TCF7L2: variants seen among roughly 807,000 people sequenced by gnomAD.
The protein encoded by TCF7L2 is transcription factor 7 like 2.
TCF7L2 carries 23 observed loss-of-function variants against 77.9 expected under a neutral mutation model. The ratio of observed to expected loss-of-function variants is 0.30; its 90% CI spans 0.21 to 0.42. The LOEUF (loss-of-function observed/expected upper bound fraction) is 0.42, where lower values mean the gene tolerates loss of function less well. TCF7L2 is among the 10% of genes least tolerant of loss of function. TCF7L2 has a pLI of 1.00. For missense variants in TCF7L2, 654 were observed against 793.1 expected (o/e 0.82, Z 2.11); for synonymous variants, 413 against 340.2 (o/e 1.21, Z -2.36).
chr10:113,047,200 A>G (rs1465045761), intron 5 of TCF7L2, among the ~76,000 whole-genome samples: 3 of 152,298 alleles, frequency 2.0e-5, no homozygotes, highest in Non-Finnish European at 4.4e-5. Context: ...ACCCCAGGAC[A>G]AAAGGTAGAA....
intron 5 of TCF7L2, among the ~76,000 whole-genome samples, chr10:113,094,005 C>T (rs570315173): frequency 4.6e-5 from 7 of 152,262 alleles, no homozygotes; most frequent in African/African-American, 1.7e-4. Flanking sequence ...CGAGATGGTG[C>T]ACTCTGTCCT....
intron 5 of TCF7L2, among the ~76,000 whole-genome samples, chr10:113,130,467 G>C (rs899836816): frequency 1.8e-4 from 27 of 152,184 alleles, no homozygotes; most frequent in Admixed American, 1.5e-3. Context: ...ACAGTAGCAG[G>C]GCTGTGTAAA....
At chr10:113,042,053 G>T (rs1277218095) in intron 5 of TCF7L2, among the ~76,000 whole-genome samples, 2 of 152,210 alleles carry the variant, frequency 1.3e-5, no homozygotes, top group African/African-American at 2.4e-5. Context: ...GTGTAAAGGA[G>T]TGGGGGTTTG....
At chr10:112,990,983 T>C (rs2042433414) in intron 4 of TCF7L2, among the ~76,000 whole-genome samples, 1 of 152,140 alleles carries the variant, frequency 6.6e-6, no homozygotes, top group Non-Finnish European at 1.5e-5. Flanking sequence ...GGACTGCCTC[T>C]CTCCCTGGAA....
At chr10:113,139,318 G>A (rs1020348748) in intron 5 of TCF7L2, among the ~76,000 whole-genome samples, 3 of 152,136 alleles carry the variant, frequency 2.0e-5, no homozygotes, top group African/African-American at 7.2e-5. Flanking sequence ...CACAGTGGGA[G>A]CTTCCTTGTT....
In TCF7L2 at chr10:113,165,643, C is replaced by T. The variant is rs766781345; in HGVS notation, c.1480C>T (p.Pro494Ser). The T allele has an allele frequency of 3.1e-6, 5 of 1,611,158 alleles. No individual in the cohort carries two copies. The highest frequency in any genetic ancestry group is 3.3e-5 in the Admixed American group (2 of 59,762). Reference sequence around the variant, plus strand: ...AGATGGAAGCTTACTAGATTCGCCTCCCCCCTCCCCGAACCTGCTAGGCTC... The same window carrying T: ...AGATGGAAGCTTACTAGATTCGCCTTCCCCCTCCCCGAACCTGCTAGGCTC... The change falls in exon 14 of 14, where the codon CCC becomes TCC. Residue 494 changes from proline to serine, a missense_variant. By Grantham distance (74) the Pro-to-Ser change is moderately conservative (BLOSUM62 -1). Around this residue, in one of 6 missense-constraint regions of TCF7L2, gnomAD observed 272 missense variants for 215.4 expected, o/e 1.26. Coordinates refer to ENST00000627217, the MANE Select transcript of TCF7L2 (RefSeq NM_001146274.2).
intron 8 of TCF7L2, among the ~76,000 whole-genome samples, chr10:113,146,796 C>T (rs184025944): frequency 5.6e-4 from 85 of 152,062 alleles, no homozygotes; most frequent in East Asian, 1.2e-3. Flanking sequence ...GTATCTTATA[C>T]GCACAGCACT....
chr10:113,138,414 G>A (rs748949348), intron 5 of TCF7L2, among the ~76,000 whole-genome samples: 63 of 152,042 alleles, frequency 4.1e-4, no homozygotes, highest in Non-Finnish European at 6.5e-4. Context: ...AGAAGATGGA[G>A]ACTTAATTTT....
chr10:113,099,686 G>C (rs1386479980), intron 5 of TCF7L2, among the ~76,000 whole-genome samples: 1 of 152,252 alleles, frequency 6.6e-6, no homozygotes, highest in African/African-American at 2.4e-5. Flanking sequence ...CGAGTGAACA[G>C]TAGATGATGC....
chr10:112,952,413 C>T (rs1251490275), intron 3 of TCF7L2, among the ~76,000 whole-genome samples: 2 of 152,084 alleles, frequency 1.3e-5, no homozygotes, highest in East Asian at 1.9e-4. Context: ...GGCGCACTGG[C>T]TGCGGGCTCT....
At chr10:113,124,051 C>T (rs1564926075) in intron 5 of TCF7L2, among the ~76,000 whole-genome samples, 1 of 152,076 alleles carries the variant, frequency 6.6e-6, no homozygotes, top group Non-Finnish European at 1.5e-5. Flanking sequence ...ACGGGATAGG[C>T]ATAAACATTA....
chr10:113,155,729 T>G (rs1235863377), intron 11 of TCF7L2, among the ~76,000 whole-genome samples: 1 of 152,238 alleles, frequency 6.6e-6, no homozygotes, highest in Non-Finnish European at 1.5e-5. Context: ...CCAGTTTTTA[T>G]GAATACTTCA....
intron 5 of TCF7L2, among the ~76,000 whole-genome samples, chr10:113,052,066 T>C (rs1470359752): frequency 6.6e-6 from 1 of 151,910 alleles, no homozygotes; most frequent in Non-Finnish European, 1.5e-5. Context: ...CATACAGTTG[T>C]TTATTTCTGT....
rs1170606212 is a variant in TCF7L2 at position 113,141,168 on chromosome 10, G to C, written c.553-16G>C. ...AACCGGCTTGACGGTGTCTTTCTCT[G>C]TTCTCCTCCCCACAGTCTAACAAAG... is the stretch of plus-strand genomic sequence containing the variant. On this transcript the variant is annotated splice_polypyrimidine_tract_variant and intron_variant, in intron 5 of 13. Transcript: ENST00000627217. 6.2e-7 allele frequency: 1 copy of C among 1,613,548 alleles called. No individual in the cohort carries two copies. Among genetic ancestry groups the C allele is most frequent in the African/African-American group, 1.3e-5 (1 of 74,970 alleles).
intron 5 of TCF7L2, among the ~76,000 whole-genome samples, chr10:113,091,405 G>C (rs139351172): frequency 1.3e-5 from 2 of 152,126 alleles, no homozygotes; most frequent in East Asian, 3.9e-4. Flanking sequence ...AAATCCTCTG[G>C]TCCACCTATT....
chr10:112,983,241 G>C (rs1175989070), intron 4 of TCF7L2, among the ~76,000 whole-genome samples: 1 of 151,936 alleles, frequency 6.6e-6, no homozygotes, highest in Non-Finnish European at 1.5e-5. Context: ...GGAGGCCGAG[G>C]CGGGCAGATC....
At chr10:113,104,016 T>C (rs1170349152) in intron 5 of TCF7L2, among the ~76,000 whole-genome samples, 1 of 152,148 alleles carries the variant, frequency 6.6e-6, no homozygotes, top group African/African-American at 2.4e-5. Flanking sequence ...CCCTTGCATA[T>C]AAGTTGTTCG....
intron 4 of TCF7L2, among the ~76,000 whole-genome samples, chr10:112,992,751 C>G (rs2042799531): frequency 6.6e-6 from 1 of 151,632 alleles, no homozygotes; most frequent in South Asian, 2.1e-4. Context: ...CAGTGTTACT[C>G]TCTTATATTT....
chr10:113,113,919 T>C (rs1342122932), intron 5 of TCF7L2, among the ~76,000 whole-genome samples: 1 of 152,212 alleles, frequency 6.6e-6, no homozygotes, highest in African/African-American at 2.4e-5. Context: ...TTTCCCACTG[T>C]GATTCCACTT....
Sources: allele counts gnomAD v4.1 joint callset (sites outside exome capture counted in the v4.1 genomes callset), GRCh38; gene constraint gnomAD v4.1.1; regional missense constraint gnomAD v4.1.1; transcripts MANE v1.5; gene names NCBI Gene and HGNC (gene_info 2026-07-23, HGNC 2026-07-21).